The following ADAMTSL1 variants were observed in gnomAD, a reference collection of about 807,000 sequenced individuals.
ADAMTSL1 encodes ADAMTS-like protein 1.
A neutral mutation model predicts 201.8 loss-of-function variants in ADAMTSL1; 126 were observed. The observed-to-expected ratio is 0.62, with a 90% confidence interval of 0.54 to 0.72. The LOEUF (loss-of-function observed/expected upper bound fraction) is 0.72, where lower values mean the gene tolerates loss of function less well. ADAMTSL1 is among the 30% of genes least tolerant of loss of function. The pLI is 0.00. For synonymous variants in ADAMTSL1, 1,121 were observed against 903.4 expected (o/e 1.24, Z -4.32); for missense variants, 2,679 against 2,277.8 (o/e 1.18, Z -3.59).
chr9:18,241,028 A>C (rs984687062), intron 2 of ADAMTSL1, among the ~76,000 whole-genome samples: 1 of 152,184 alleles, frequency 6.6e-6, no homozygotes, highest in Non-Finnish European at 1.5e-5. Context: ...TCTTCTCTCC[A>C]GACCACTAAA....
chr9:18,699,905 G>A (rs1831821975), intron 13 of ADAMTSL1, among the ~76,000 whole-genome samples: 1 of 152,176 alleles, frequency 6.6e-6, no homozygotes, highest in Admixed American at 6.5e-5. Flanking sequence ...TTTGAGGAGT[G>A]ATGTCCTAGA....
chr9:17,958,984 T>C (rs1828037729), intron 1 of ADAMTSL1, among the ~76,000 whole-genome samples: 2 of 152,180 alleles, frequency 1.3e-5, no homozygotes. Context: ...TTTAGAGGCT[T>C]TCTGAATCAA....
chr9:17,916,250 C>G (rs1727833747), intron 1 of ADAMTSL1, among the ~76,000 whole-genome samples: 1 of 152,164 alleles, frequency 6.6e-6, no homozygotes, highest in Non-Finnish European at 1.5e-5. Context: ...GTGTGATTTG[C>G]AAATATTTTC....
chr9:18,797,802 C>A (rs555062477), intron 20 of ADAMTSL1, among the ~76,000 whole-genome samples: 1 of 152,276 alleles, frequency 6.6e-6, no homozygotes, highest in East Asian at 1.9e-4. Flanking sequence ...GCACTTAACC[C>A]AATGCCAGGC....
chr9:18,175,789 T>C (rs1307478993), intron 2 of ADAMTSL1, among the ~76,000 whole-genome samples: 2 of 152,022 alleles, frequency 1.3e-5, no homozygotes, highest in East Asian at 3.9e-4. Context: ...TCTTTGCTCA[T>C]GGAACCAGCC....
At chr9:18,572,570 C>T (rs554316787) in intron 3 of ADAMTSL1, among the ~76,000 whole-genome samples, 1 of 152,254 alleles carries the variant, frequency 6.6e-6, no homozygotes, top group South Asian at 2.1e-4. Context: ...ATGTCTTTGA[C>T]ATTTTATATT....
At chr9:17,969,254 GA>G (rs1247371999) in intron 1 of ADAMTSL1, among the ~76,000 whole-genome samples, 3 of 152,042 alleles carry the variant, frequency 2.0e-5, no homozygotes, top group African/African-American at 7.2e-5. Context: ...AGCCTTACAG[GA>G]AATAGGAAGA....
At chr9:18,382,165 T>C (rs1381194312) in intron 2 of ADAMTSL1, among the ~76,000 whole-genome samples, 3 of 152,064 alleles carry the variant, frequency 2.0e-5, no homozygotes, top group Admixed American at 6.6e-5. Context: ...GGAAAATGAG[T>C]GGCTTTTAAA....
chr9:18,533,462 A>G (rs1819564327), intron 3 of ADAMTSL1, among the ~76,000 whole-genome samples, 170 bp downstream of exon 3: 3 of 152,160 alleles, frequency 2.0e-5, no homozygotes. Context: ...TAAGTTCCTC[A>G]TTATAGACTT....
At chr9:18,412,638 A>T (rs1414239150) in intron 2 of ADAMTSL1, among the ~76,000 whole-genome samples, 2 of 152,164 alleles carry the variant, frequency 1.3e-5, no homozygotes, top group Non-Finnish European at 1.5e-5. Flanking sequence ...CGTTTTTGCT[A>T]CTATGGATTT....
chr9:18,883,521 TATC>T (rs1264944840), intron 23 of ADAMTSL1, among the ~76,000 whole-genome samples: 3 of 152,366 alleles, frequency 2.0e-5, no homozygotes, highest in African/African-American at 7.2e-5. Context: ...GTTGTGCAGC[TATC>T]ATCACTGTCT....
At chr9:18,083,357 C>T (rs62548510) in intron 1 of ADAMTSL1, among the ~76,000 whole-genome samples, 1 of 152,072 alleles carries the variant, frequency 6.6e-6, no homozygotes, top group Admixed American at 6.6e-5. Context: ...AGATATTCAT[C>T]TAAAATTGGC....
chr9:17,917,339 A>T (rs1826135546), intron 1 of ADAMTSL1, among the ~76,000 whole-genome samples: 1 of 152,098 alleles, frequency 6.6e-6, no homozygotes, highest in African/African-American at 2.4e-5. Flanking sequence ...ATCATTAAGT[A>T]TGATGTTAGG....
At chr9:18,543,768 A>G (rs1820306404) in intron 3 of ADAMTSL1, among the ~76,000 whole-genome samples, 2 of 152,218 alleles carry the variant, frequency 1.3e-5, no homozygotes, top group African/African-American at 4.8e-5. Flanking sequence ...ATCTCCCTGC[A>G]GTGCTTGCTG....
At chr9:18,023,919 G>T (rs1307838863) in intron 1 of ADAMTSL1, among the ~76,000 whole-genome samples, 1 of 152,048 alleles carries the variant, frequency 6.6e-6, no homozygotes, top group Admixed American at 6.6e-5. Context: ...TATTCAGAAA[G>T]AAATACGAAA....
chr9:18,772,436 A>G (rs945472847), intron 17 of ADAMTSL1, among the ~76,000 whole-genome samples: 6 of 152,132 alleles, frequency 3.9e-5, no homozygotes, highest in African/African-American at 9.7e-5. Context: ...AAAAGGTCCC[A>G]TTGGTCCCAT....
intron 1 of ADAMTSL1, among the ~76,000 whole-genome samples, chr9:17,992,522 A>G (rs941407031): frequency 6.6e-6 from 1 of 152,132 alleles, no homozygotes; most frequent in African/African-American, 2.4e-5. Flanking sequence ...GGATGCAGTG[A>G]TCCCAGCTAC....
intron 1 of ADAMTSL1, among the ~76,000 whole-genome samples, chr9:18,036,338 C>T (rs559328735): frequency 5.3e-4 from 80 of 152,254 alleles, no homozygotes; most frequent in Non-Finnish European, 8.1e-4. Flanking sequence ...GTGGATTCTC[C>T]GTATACTCTG....
chr9:17,910,181 A>G (rs1387707645), intron 1 of ADAMTSL1, among the ~76,000 whole-genome samples: 1 of 67,370 alleles, frequency 1.5e-5, no homozygotes, highest in African/African-American at 3.0e-5. Flanking sequence ...CTTTTTTCAC[A>G]GGTCCTACCA....
Sources: gnomAD v4.1 joint callset for allele counts (sites outside exome capture counted in the v4.1 genomes callset) on GRCh38, gnomAD v4.1.1 for gene constraint, MANE v1.5 for transcripts, NCBI Gene and HGNC (gene_info 2026-07-23, HGNC 2026-07-21) for gene names.